The following TMPRSS11D variants were observed in gnomAD, a reference collection of about 807,000 sequenced individuals.
TMPRSS11D encodes the protein transmembrane protease serine 11D.
In TMPRSS11D, 32 loss-of-function variants were observed where a neutral mutation model predicts 44.4. The observed-to-expected ratio is 0.72, with a 90% CI of 0.54 to 0.97. The LOEUF (loss-of-function observed/expected upper bound fraction) is 0.97, where lower values mean the gene tolerates loss of function less well. Among genes scored for constraint, TMPRSS11D ranks in the 50% least tolerant of loss-of-function variants. TMPRSS11D has a pLI of 0.00. For missense variants in TMPRSS11D, 446 were observed against 502.6 expected, an observed-to-expected ratio of 0.89 and a Z score of 1.08; for synonymous variants, 179 against 177.9, an observed-to-expected ratio of 1.01 and a Z score of -0.05.
rs183412493 is a variant in TMPRSS11D, at chr4:67,867,799, T to A, written c.9-8121A>T. 3.2e-3 allele frequency among the ~76,000 whole-genome samples: 482 copies of A among 152,202 alleles called. 1 individual carries two copies. Among genetic ancestry groups the A allele is most frequent in the Non-Finnish European group, 4.9e-3 (331 of 67,954 alleles). On this transcript the variant is annotated intron_variant, in intron 1 of 9. Coordinates refer to ENST00000283916, the MANE Select transcript of TMPRSS11D (RefSeq NM_004262.3). ...AAACTGTTACACCAGTTGGAATGGT[T>A]ATTAGAAAGTCAAGGTATAACATGT...
rs1179419081 is a variant in TMPRSS11D, at chr4:67,829,845, TAAAC to T, written c.693-2329_693-2326del. On this transcript the variant is annotated intron_variant, in intron 7 of 9. Transcript: ENST00000283916. ...GTACATTTAAAAGATTGATAAAACT[TAAAC>T]AAAAGAATAATACTAAATGTTGATG... 2.0e-5 allele frequency among the ~76,000 whole-genome samples: 3 copies of T among 152,096 alleles called. No individual in the cohort carries two copies. The Middle Eastern group carries it at 0.01, about 517-fold the overall frequency.
intron 2 of TMPRSS11D, among the ~76,000 whole-genome samples, chr4:67,854,829 C>T (rs534673282): frequency 6.6e-6 from 1 of 152,080 alleles, no homozygotes; most frequent in Admixed American, 6.5e-5. Flanking sequence ...GCTATTCTAC[C>T]AAACCTTAAA....
intron 6 of TMPRSS11D, among the ~76,000 whole-genome samples, chr4:67,834,070 C>G (rs566338023): frequency 6.6e-6 from 1 of 152,130 alleles, no homozygotes; most frequent in Non-Finnish European, 1.5e-5. Context: ...TTTCAAAGAG[C>G]TCGTGAATAG....
At position 67,838,279 on chromosome 4, in the gene TMPRSS11D, G is replaced by C. The variant is rs778236484; in HGVS notation, c.368C>G (p.Thr123Ser). Residue 123 changes from threonine to serine, a missense_variant, in exon 5 of 10, where the codon ACT becomes AGT. Transcript: ENST00000283916. The part of the protein sequence containing the change: ...RADVVMKFQF[T>S]RNNNGASMKS... ...CATTGATGCTCCATTGTTATTTCTA[G>C]TGAATTGAAATTTCATGACAACATC... 66 of 1,597,996 alleles carry C rather than the reference G, an allele frequency of 4.1e-5. No homozygotes were observed. Among genetic ancestry groups the C allele is most frequent in the Non-Finnish European group, 5.4e-5 (63 of 1,173,446 alleles).
intron 2 of TMPRSS11D, among the ~76,000 whole-genome samples, chr4:67,858,768 A>T (rs774966134): frequency 1.9e-4 from 29 of 152,162 alleles, no homozygotes; most frequent in Non-Finnish European, 3.2e-4. Context: ...AAGTGAAAAA[A>T]ATTCTAATAT....
intron 1 of TMPRSS11D, among the ~76,000 whole-genome samples, chr4:67,865,688 C>A (rs1185638910): frequency 6.6e-6 from 1 of 151,756 alleles, no homozygotes; most frequent in African/African-American, 2.4e-5. Context: ...CTACTATGAA[C>A]AACTCTATGC....
intron 4 of TMPRSS11D, among the ~76,000 whole-genome samples, chr4:67,841,294 G>A (rs766482322): frequency 3.9e-5 from 6 of 152,106 alleles, no homozygotes; most frequent in Non-Finnish European, 8.8e-5. Context: ...CTGATGTTCA[G>A]CAACATTTAA....
rs768572405 is a variant in TMPRSS11D at position 67,833,281 on chromosome 4, C to A, written c.615G>T (p.Arg205=). ...EGSWPWQVSL[R]LNNAHHCGGS... is the part of the protein sequence containing the mutation. ...CTCCACAGTGGTGGGCATTATTGAGCCGCAGACTGACTTGCCACGGCCAGC... is the reference window on the plus strand; with the variant it reads ...CTCCACAGTGGTGGGCATTATTGAGACGCAGACTGACTTGCCACGGCCAGC... The change falls in exon 7 of 10, where the codon CGG becomes CGT. Residue 205 remains arginine (R), a synonymous_variant. Transcript: ENST00000283916. The A allele has an allele frequency of 1.2e-5, 20 of 1,600,232 alleles. No homozygotes were observed. Among genetic ancestry groups the A allele is most frequent in the Non-Finnish European group, 1.7e-5 (20 of 1,173,878 alleles).
chr4:67,867,532 G>A (rs924306091), intron 1 of TMPRSS11D, among the ~76,000 whole-genome samples: 2 of 152,090 alleles, frequency 1.3e-5, no homozygotes, highest in African/African-American at 4.8e-5. Context: ...AATCAGCAGA[G>A]TGAACAGACA....
intron 4 of TMPRSS11D, among the ~76,000 whole-genome samples, chr4:67,838,558 A>C (rs1008589211): frequency 1.1e-4 from 16 of 152,066 alleles, no homozygotes; most frequent in African/African-American, 3.6e-4. Context: ...GCTGATTTTG[A>C]AGTTATAATG....
chr4:67,837,090 C>T lies in TMPRSS11D; in HGVS notation c.475+1082G>A, dbSNP rs974175373. On this transcript the variant is annotated intron_variant, in intron 5 of 9. Coordinates refer to ENST00000283916, the MANE Select transcript of TMPRSS11D (RefSeq NM_004262.3). ...AACACTCTTGTGTTGGAATATCTTT[C>T]CCTTCAACTAGATTATGGGCTCTGG... Among the ~76,000 whole-genome samples, 13 of 152,202 alleles carry T rather than the reference C, an allele frequency of 8.5e-5. No homozygotes were observed. The East Asian group carries it at 1.2e-3, about 14-fold the overall frequency.
intron 6 of TMPRSS11D, 113 bp from the exon 7 acceptor site, chr4:67,833,494 A>C (rs958160824): frequency 9.6e-7 from 1 of 1,040,650 alleles, no homozygotes; most frequent in Non-Finnish European, 1.3e-6. Context: ...ATTCTTCCTC[A>C]GGACATGCTG....
At chr4:67,873,551 A>G (rs1444531193) in intron 1 of TMPRSS11D, among the ~76,000 whole-genome samples, 1 of 152,216 alleles carries the variant, frequency 6.6e-6, no homozygotes, top group Non-Finnish European at 1.5e-5. Context: ...TCTATTAATA[A>G]AGAGCCTAAA....
rs1389768802 is a variant in TMPRSS11D, at chr4:67,879,491, A to G, written c.8+4435T>C. Among the ~76,000 whole-genome samples, 33 of 145,120 alleles carry G rather than the reference A, an allele frequency of 2.3e-4. No individual in the cohort carries two copies. The Admixed American group carries it at 2.3e-3, about 10-fold the overall frequency. On this transcript the variant is annotated intron_variant, in intron 1 of 9. Transcript: ENST00000283916. ...CTTCTCAAAAAAAAAAAAAAAAAAGAAAAGCACTTAAACTCTGGGGACAGG... is the reference window on the plus strand; with the variant it reads ...CTTCTCAAAAAAAAAAAAAAAAAAGGAAAGCACTTAAACTCTGGGGACAGG...
At chr4:67,852,396 A>G (rs1285025951) in intron 3 of TMPRSS11D, among the ~76,000 whole-genome samples, 2 of 152,082 alleles carry the variant, frequency 1.3e-5, no homozygotes, top group East Asian at 3.9e-4. Flanking sequence ...CTAGGCCCCA[A>G]TGTCAGAATT....
intron 1 of TMPRSS11D, among the ~76,000 whole-genome samples, chr4:67,873,367 G>C (rs1214224865): frequency 3.3e-5 from 5 of 152,126 alleles, no homozygotes; most frequent in African/African-American, 4.8e-5. Context: ...ACTCAGGTTA[G>C]AGACATGTTT....
chr4:67,858,673 T>C (rs1462142917), intron 2 of TMPRSS11D, among the ~76,000 whole-genome samples: 1 of 152,098 alleles, frequency 6.6e-6, no homozygotes, highest in Non-Finnish European at 1.5e-5. Flanking sequence ...CACATACCCA[T>C]GTACACACCT....
intron 2 of TMPRSS11D, among the ~76,000 whole-genome samples, chr4:67,858,716 T>G (rs1381714071): frequency 1.3e-5 from 2 of 152,150 alleles, no homozygotes; most frequent in Admixed American, 1.3e-4. Context: ...AGTGATTTAA[T>G]AGAATTATAT....
chr4:67,833,038 G>A (rs1717984227), intron 7 of TMPRSS11D, among the ~76,000 whole-genome samples, 166 bp downstream of exon 7: 1 of 152,122 alleles, frequency 6.6e-6, no homozygotes, highest in Non-Finnish European at 1.5e-5. Flanking sequence ...AAATTAGCAT[G>A]CTAAAGGGGA....
Sources: gnomAD v4.1 joint callset for allele counts (sites outside exome capture counted in the v4.1 genomes callset) on GRCh38, gnomAD v4.1.1 for gene constraint, MANE v1.5 for transcripts, NCBI Gene and HGNC (gene_info 2026-07-23, HGNC 2026-07-21) for gene names.